Variants in DLGAP1 observed in about 807,000 individuals in gnomAD.
DLGAP1 encodes the protein DLG associated protein 1, also known as disks large-associated protein 1.
Under a neutral mutation model 90.8 loss-of-function variants are expected in DLGAP1, and 11 were observed. The ratio of observed to expected loss-of-function variants is 0.12; its 90% confidence interval spans 0.08 to 0.20. The LOEUF (loss-of-function observed/expected upper bound fraction) is 0.20, where lower values mean the gene tolerates loss of function less well. DLGAP1 is among the 10% of genes least tolerant of loss of function. DLGAP1 has a pLI of 1.00. For synonymous variants in DLGAP1, 558 were observed against 540.7 expected (o/e 1.03, Z -0.44); for missense variants, 1,050 against 1,333.8 (o/e 0.79, Z 3.31).
rs2076915202 is a variant in DLGAP1 at position 4,165,316 on chromosome 18, G to T, written c.-266-14029C>A. On this transcript the variant is annotated intron_variant, in intron 1 of 12. Coordinates refer to ENST00000315677, the MANE Select transcript of DLGAP1 (RefSeq NM_004746.4). ...AAACCATGAAGGCCAGAAGAAAGTG[G>T]CAAAACGGTTTTCAAGTGATAAAAC... Among the ~76,000 whole-genome samples the T allele has an allele frequency of 2.0e-5, 3 of 152,274 alleles. 1 individual carries two copies. The highest frequency in any genetic ancestry group is 2.9e-5 in the Non-Finnish European group (2 of 68,016).
chr18:3,888,107 CAAAAAAAAAAAAAAAA>C (rs1164887393), intron 3 of DLGAP1, among the ~76,000 whole-genome samples: 1 of 49,382 alleles, frequency 2.0e-5, no homozygotes, highest in African/African-American at 7.7e-5. Context: ...GACTCCATCT[CAAAAAAAAAAAAAAAA>C]AAAAAAAAAA....
At chr18:4,021,874 C>T (rs1023903088) in intron 2 of DLGAP1, among the ~76,000 whole-genome samples, 1 of 152,202 alleles carries the variant, frequency 6.6e-6, no homozygotes, top group Non-Finnish European at 1.5e-5. Context: ...GCTGGGATTA[C>T]AGGCGTGAGC....
chr18:4,244,638 C>G (rs552596301), intron 1 of DLGAP1, among the ~76,000 whole-genome samples: 1 of 152,094 alleles, frequency 6.6e-6, no homozygotes, highest in Admixed American at 6.6e-5. Flanking sequence ...GTTCCCCTCC[C>G]GAGCCCAAAT....
At chr18:3,544,427 T>C (rs576950713) in intron 9 of DLGAP1, among the ~76,000 whole-genome samples, 10 of 152,316 alleles carry the variant, frequency 6.6e-5, no homozygotes, top group Admixed American at 6.5e-4. Context: ...CTGAAAGTAT[T>C]CATCGCCAGC....
At chr18:3,960,892 T>C (rs1337839515) in intron 3 of DLGAP1, among the ~76,000 whole-genome samples, 1 of 152,188 alleles carries the variant, frequency 6.6e-6, no homozygotes, top group Admixed American at 6.5e-5. Flanking sequence ...CGGCTGACCT[T>C]GTATTAGTGA....
intron 1 of DLGAP1, among the ~76,000 whole-genome samples, chr18:4,425,374 C>T (rs905480223): frequency 1.3e-5 from 2 of 152,148 alleles, no homozygotes; most frequent in Non-Finnish European, 2.9e-5. Context: ...CTCCAACTGT[C>T]CTCCTGTTGA....
intron 4 of DLGAP1, among the ~76,000 whole-genome samples, chr18:3,852,344 G>T (rs1049820952): frequency 3.3e-5 from 5 of 152,164 alleles, no homozygotes; most frequent in African/African-American, 1.2e-4. Flanking sequence ...TTTATCCACA[G>T]AAATATCTAA....
intron 7 of DLGAP1, among the ~76,000 whole-genome samples, chr18:3,698,601 C>T (rs111393330): frequency 0.16 from 23,645 of 151,774 alleles, 2,232 homozygotes; most frequent in East Asian, 0.43. Context: ...CGACCTTTCT[C>T]TCTGATGATT....
intron 1 of DLGAP1, among the ~76,000 whole-genome samples, chr18:4,367,707 G>A (rs1390209708): frequency 6.6e-6 from 1 of 151,982 alleles, no homozygotes; most frequent in African/African-American, 2.4e-5. Flanking sequence ...ACATTAGCTG[G>A]GCGTCGTGGC....
intron 3 of DLGAP1, among the ~76,000 whole-genome samples, chr18:3,933,547 C>T (rs894560551): frequency 1.2e-4 from 19 of 152,160 alleles, no homozygotes; most frequent in African/African-American, 4.6e-4. Context: ...GGGAGGTTTC[C>T]CCTCCATTCT....
intron 1 of DLGAP1, among the ~76,000 whole-genome samples, chr18:4,286,212 A>G (rs2079687086): frequency 6.6e-6 from 1 of 152,158 alleles, no homozygotes; most frequent in Non-Finnish European, 1.5e-5. Flanking sequence ...TATATGGTAG[A>G]GGAGAGATGG....
chr18:4,234,516 C>T (rs1477661562), intron 1 of DLGAP1, among the ~76,000 whole-genome samples: 3 of 152,112 alleles, frequency 2.0e-5, no homozygotes, highest in Non-Finnish European at 2.9e-5. Flanking sequence ...ACCCTTCCTT[C>T]TGAGAACAAT....
rs895324142 is a variant in DLGAP1, at chr18:4,398,871, C to T, written c.-267+56135G>A. The stretch of plus-strand genomic sequence containing the variant: ...TTTTTGAGACAGTGTCTCACTCTGT[C>T]GCCAGGCTGGAGTGCCGTGGCGTGA... On this transcript the variant is annotated intron_variant, in intron 1 of 12. Transcript: ENST00000315677. Among the ~76,000 whole-genome samples the T allele has an allele frequency of 3.3e-5, 5 of 152,112 alleles. No homozygotes were observed. In the East Asian group the frequency reaches 5.8e-4, roughly 18 times the overall value.
intron 10 of DLGAP1, among the ~76,000 whole-genome samples, chr18:3,518,489 G>A (rs1351292910): frequency 1.3e-5 from 2 of 151,128 alleles, no homozygotes; most frequent in African/African-American, 4.9e-5. Flanking sequence ...TGGTAGACTT[G>A]GTCAACTCAG....
At chr18:4,352,025 A>T (rs2081413464) in intron 1 of DLGAP1, among the ~76,000 whole-genome samples, 1 of 152,222 alleles carries the variant, frequency 6.6e-6, no homozygotes, top group Admixed American at 6.5e-5. Context: ...ATCATCATGG[A>T]AGAAAAATAT....
chr18:4,130,521 T>G (rs1285361008), intron 2 of DLGAP1, among the ~76,000 whole-genome samples: 1 of 152,188 alleles, frequency 6.6e-6, no homozygotes, highest in African/African-American at 2.4e-5. Flanking sequence ...ATTGAATCAC[T>G]TGTCATTTAT....
At chr18:3,983,335 A>G (rs899147939) in intron 3 of DLGAP1, 1 of 152,200 alleles carries the variant, frequency 6.6e-6, no homozygotes, top group Non-Finnish European at 1.5e-5. Flanking sequence ...ATTTATTTGT[A>G]TGTTCTAACA....
chr18:4,026,477 T>C (rs891568542), intron 2 of DLGAP1, among the ~76,000 whole-genome samples: 3 of 152,048 alleles, frequency 2.0e-5, no homozygotes, highest in African/African-American at 7.3e-5. Context: ...ACCAAACAGG[T>C]ACACAGGACA....
intron 4 of DLGAP1, among the ~76,000 whole-genome samples, chr18:3,848,188 T>C (rs1024277840): frequency 8.3e-6 from 1 of 119,992 alleles, no homozygotes; most frequent in African/African-American, 3.0e-5. Flanking sequence ...AAAAAGACTT[T>C]TTAAAAGAGA....
Sources: gnomAD v4.1 joint callset for allele counts (sites outside exome capture counted in the v4.1 genomes callset) on GRCh38, gnomAD v4.1.1 for gene constraint, MANE v1.5 for transcripts, NCBI Gene and HGNC (gene_info 2026-07-23, HGNC 2026-07-21) for gene names.